The following DAB1 variants were observed in gnomAD, a reference collection of about 807,000 sequenced individuals.
DAB1 encodes disabled homolog 1.
Under a neutral mutation model 64.6 loss-of-function variants are expected in DAB1, and 15 were observed. The observed-to-expected ratio is 0.23, with a 90% CI of 0.16 to 0.36. The LOEUF (loss-of-function observed/expected upper bound fraction) is 0.36. DAB1 is among the 10% of genes least tolerant of loss of function. DAB1 has a pLI of 1.00. For synonymous variants in DAB1, 235 were observed against 251.9 expected, an observed-to-expected ratio of 0.93 and a Z score of 0.64; for missense variants, 596 against 706.7, an observed-to-expected ratio of 0.84 and a Z score of 1.78.
chr1:58,523,583 G>A (rs1206641897), intron 2 of DAB1, among the ~76,000 whole-genome samples: 2 of 152,128 alleles, frequency 1.3e-5, no homozygotes, highest in Non-Finnish European at 1.5e-5. Context: ...CAGGTGACCA[G>A]AGGAATTGAG....
At chr1:57,912,619 A>T (rs1403491071) in intron 5 of DAB1, among the ~76,000 whole-genome samples, 1 of 152,186 alleles carries the variant, frequency 6.6e-6, no homozygotes, top group Non-Finnish European at 1.5e-5. Context: ...AAGGAAATAA[A>T]GGGTATTCAA....
intron 7 of DAB1, among the ~76,000 whole-genome samples, chr1:57,640,633 A>T (rs1372952936): frequency 6.6e-6 from 1 of 152,160 alleles, no homozygotes; most frequent in Non-Finnish European, 1.5e-5. Flanking sequence ...CATGTTTAGG[A>T]TATAACAACT....
At position 57,391,766 on chromosome 1, in the gene DAB1, A is replaced by AACACACAC. The variant is rs57332880; in HGVS notation, c.-137+32156_-137+32163dup. Among the ~76,000 whole-genome samples the AACACACAC allele has an allele frequency of 8.9e-3, 839 of 94,622 alleles. 6 individuals carry two copies. Among genetic ancestry groups the AACACACAC allele is most frequent in the South Asian group, 0.04 (143 of 3,558 alleles). 62.1% of individuals were successfully genotyped at this position (94,622 alleles called of 152,430 possible). Reference sequence around the variant, plus strand: ...TGGTCTTTTTAAAGGCAGAGGAATAAACACACACACACACACACACACACA... The same window carrying AACACACAC: ...TGGTCTTTTTAAAGGCAGAGGAATAAACACACACACACACACACACACACACACACACA... On this transcript the variant is annotated intron_variant, in intron 1 of 14. Transcript: ENST00000371236.
At chr1:57,201,222 A>G in intron 2 of DAB1, among the ~76,000 whole-genome samples, 1 of 152,224 alleles carries the variant, frequency 6.6e-6, no homozygotes, top group Middle Eastern at 3.4e-3. Flanking sequence ...GGCACATAGT[A>G]GGCAGCAAGC....
At chr1:57,760,950 T>C in intron 6 of DAB1, among the ~76,000 whole-genome samples, 1 of 152,190 alleles carries the variant, frequency 6.6e-6, no homozygotes, top group East Asian at 1.9e-4. Flanking sequence ...AATCTGCCTG[T>C]AGCAGGAGAA....
At chr1:57,695,311 A>G (rs540245698) in intron 6 of DAB1, among the ~76,000 whole-genome samples, 40 of 104,552 alleles carry the variant, frequency 3.8e-4, no homozygotes, top group Non-Finnish European at 6.4e-4. Flanking sequence ...AAAGAAAGAA[A>G]GAAAGAAAGA....
At chr1:57,307,267 G>A (rs1674264787) in intron 1 of DAB1, 1 of 152,186 alleles carries the variant, frequency 6.6e-6, no homozygotes, top group African/African-American at 2.4e-5. Flanking sequence ...CAGCTAAATA[G>A]GACTGGACTC....
At chr1:57,969,362 A>G (rs1382829864) in intron 5 of DAB1, among the ~76,000 whole-genome samples, 1 of 152,040 alleles carries the variant, frequency 6.6e-6, no homozygotes. Flanking sequence ...ATATTTTTTG[A>G]GATAGGATCT....
chr1:57,232,102 G>A (rs967082693), intron 2 of DAB1, among the ~76,000 whole-genome samples: 3 of 152,014 alleles, frequency 2.0e-5, no homozygotes, highest in Non-Finnish European at 2.9e-5. Flanking sequence ...CCCACCTTTC[G>A]TGGCCACTGC....
At chr1:57,693,873 C>A (rs564875199) in intron 6 of DAB1, among the ~76,000 whole-genome samples, 1 of 152,232 alleles carries the variant, frequency 6.6e-6, no homozygotes, top group African/African-American at 2.4e-5. Context: ...GACCAAGAAC[C>A]CACCAGAAGG....
At chr1:58,444,453 G>A (rs1645044134) in intron 3 of DAB1, among the ~76,000 whole-genome samples, 1 of 152,338 alleles carries the variant, frequency 6.6e-6, no homozygotes, top group Admixed American at 6.5e-5. Flanking sequence ...TGAACTAGGT[G>A]GCCTGACTCC....
intron 4 of DAB1, among the ~76,000 whole-genome samples, chr1:58,281,998 A>G (rs903452949): frequency 1.3e-5 from 2 of 151,746 alleles, no homozygotes; most frequent in Non-Finnish European, 2.9e-5. Context: ...CCTCCTCATC[A>G]TCCTCATCTT....
chr1:58,129,363 T>C (rs1653364862), intron 5 of DAB1, among the ~76,000 whole-genome samples: 1 of 145,526 alleles, frequency 6.9e-6, no homozygotes, highest in Non-Finnish European at 1.5e-5. Context: ...TCTTTATTAG[T>C]CTTGCTAGCG....
At chr1:57,762,154 TA>T (rs1649116015) in intron 6 of DAB1, among the ~76,000 whole-genome samples, 1 of 152,174 alleles carries the variant, frequency 6.6e-6, no homozygotes, top group African/African-American at 2.4e-5. Context: ...AAATGAATTT[TA>T]AAAAGTAATT....
chr1:57,226,670 A>AAAAAAT (rs1667280276), intron 2 of DAB1, among the ~76,000 whole-genome samples: 1 of 119,504 alleles, frequency 8.4e-6, no homozygotes, highest in African/African-American at 4.0e-5. Context: ...GGTTAAAAAA[A>AAAAAAT]AAATATATAT....
intron 4 of DAB1, among the ~76,000 whole-genome samples, chr1:58,318,145 G>A (rs1342208327): frequency 2.0e-5 from 3 of 152,226 alleles, no homozygotes; most frequent in Non-Finnish European, 4.4e-5. Flanking sequence ...TGCCAGAGGA[G>A]ATTTAAGAGA....
chr1:57,636,096 C>CAAAAAAAAAAAAAA (rs61007751), intron 7 of DAB1, among the ~76,000 whole-genome samples: 5 of 64,986 alleles, frequency 7.7e-5, no homozygotes, highest in African/African-American at 3.2e-4. Context: ...GACACGGTCT[C>CAAAAAAAAAAAAAA]AAAAAAAAAA....
chr1:58,005,373 C>T (rs1384142956), intron 5 of DAB1, among the ~76,000 whole-genome samples: 1 of 152,094 alleles, frequency 6.6e-6, no homozygotes, highest in Non-Finnish European at 1.5e-5. Flanking sequence ...GGGCTGGTGT[C>T]TAGGGGCAGA....
chr1:57,572,033 C>T lies in DAB1; in HGVS notation n.625+77559G>A, dbSNP rs200828947. ...AAGCATGGACAGTCCATGACAAATC[C>T]TGGAGGTGACCGTCCTGGCCAGCTG... On this transcript the variant is annotated intron_variant and non_coding_transcript_variant, in intron 7 of 20. Transcript: ENST00000485760. Among the ~76,000 whole-genome samples, 6 of 152,274 alleles carry T rather than the reference C, an allele frequency of 3.9e-5. No homozygotes were observed. The East Asian group carries it at 7.7e-4, about 20-fold the overall frequency.
Sources: allele counts gnomAD v4.1 joint callset (sites outside exome capture counted in the v4.1 genomes callset), GRCh38; gene constraint gnomAD v4.1.1; transcripts MANE v1.5; gene names NCBI Gene and HGNC (gene_info 2026-07-23, HGNC 2026-07-21).